The following SEMA3C variants were observed in gnomAD, a reference collection of about 807,000 sequenced individuals.
SEMA3C encodes the protein semaphorin-3C.
SEMA3C carries 47 observed loss-of-function variants against 89.4 expected under a neutral mutation model. The ratio of observed to expected loss-of-function variants is 0.53; its 90% CI spans 0.42 to 0.67. SEMA3C has a LOEUF of 0.67. SEMA3C is among the 30% of genes least tolerant of loss of function. The pLI is 0.00. For missense variants in SEMA3C, 839 were observed against 929.1 expected (o/e 0.90, Z 1.26); for synonymous variants, 310 against 320.2 (o/e 0.97, Z 0.34).
intron 2 of SEMA3C, among the ~76,000 whole-genome samples, chr7:80,869,903 T>C (rs1463351291): frequency 6.6e-6 from 1 of 152,224 alleles, no homozygotes; most frequent in Non-Finnish European, 1.5e-5. Flanking sequence ...ACTTCCTGGC[T>C]ACTTTTCCAG....
intron 2 of SEMA3C, among the ~76,000 whole-genome samples, chr7:80,858,641 A>C (rs1790698665): frequency 6.6e-6 from 1 of 152,220 alleles, no homozygotes; most frequent in South Asian, 2.1e-4. Flanking sequence ...TGCTCAAATG[A>C]GAGTGCACAA....
intron 2 of SEMA3C, among the ~76,000 whole-genome samples, chr7:80,884,412 T>G (rs2116115838): frequency 6.6e-6 from 1 of 152,352 alleles, no homozygotes; most frequent in African/African-American, 2.4e-5. Flanking sequence ...CCCTCATAAC[T>G]AACTTATCAA....
At chr7:80,842,600 A>T (rs928055566) in intron 2 of SEMA3C, among the ~76,000 whole-genome samples, 5 of 152,148 alleles carry the variant, frequency 3.3e-5, no homozygotes, top group Non-Finnish European at 7.3e-5. Flanking sequence ...CTAAGTATTA[A>T]CAGCTCATGG....
intron 11 of SEMA3C, among the ~76,000 whole-genome samples, chr7:80,791,120 G>C (rs940819172): frequency 6.6e-6 from 1 of 151,948 alleles, no homozygotes; most frequent in Non-Finnish European, 1.5e-5. Flanking sequence ...ACAAGAACGA[G>C]ATCTGGAGAA....
At chr7:80,820,770 A>ATATGTGTGTT (rs1433175676) in intron 4 of SEMA3C, among the ~76,000 whole-genome samples, 1 of 152,178 alleles carries the variant, frequency 6.6e-6, no homozygotes. Flanking sequence ...CACAGATGAG[A>ATATGTGTGTT]TATGTGTGTT....
At chr7:80,853,822 C>T (rs921800954) in intron 2 of SEMA3C, among the ~76,000 whole-genome samples, 5 of 152,052 alleles carry the variant, frequency 3.3e-5, no homozygotes, top group African/African-American at 1.2e-4. Context: ...ACAATGGATA[C>T]CCCATTTATC....
At chr7:80,881,441 A>G (rs1441313740) in intron 2 of SEMA3C, among the ~76,000 whole-genome samples, 1 of 152,170 alleles carries the variant, frequency 6.6e-6, no homozygotes, top group Admixed American at 6.5e-5. Flanking sequence ...AGTTTCTAAG[A>G]AAACAGAATT....
chr7:80,858,865 T>C (rs1260879046), intron 2 of SEMA3C, among the ~76,000 whole-genome samples: 1 of 152,270 alleles, frequency 6.6e-6, no homozygotes, highest in East Asian at 1.9e-4. Context: ...TAATTCTCCA[T>C]ATGAATAACT....
intron 2 of SEMA3C, among the ~76,000 whole-genome samples, chr7:80,876,083 G>A (rs1378187506): frequency 2.0e-5 from 3 of 152,078 alleles, no homozygotes; most frequent in African/African-American, 7.2e-5. Context: ...TCCTACTGAT[G>A]GAAATCGAGT....
chr7:80,815,104 A>G (rs1789568211), intron 5 of SEMA3C, among the ~76,000 whole-genome samples: 2 of 152,164 alleles, frequency 1.3e-5, no homozygotes, highest in South Asian at 2.1e-4. Flanking sequence ...CATGATTTTG[A>G]TTCTGCTTTT....
At chr7:80,920,250 G>A (rs1304413671), upstream of SEMA3C, among the ~76,000 whole-genome samples, 1 of 152,078 alleles carries the variant, frequency 6.6e-6, no homozygotes, top group Non-Finnish European at 1.5e-5. Context: ...TTTAAACATC[G>A]GGAGAAATGA....
At chr7:80,852,214 G>A (rs189132887) in intron 2 of SEMA3C, among the ~76,000 whole-genome samples, 51 of 152,274 alleles carry the variant, frequency 3.3e-4, no homozygotes, top group African/African-American at 1.1e-3. Context: ...TCCCTATGGA[G>A]AGTCAGGACA....
chr7:80,919,388 G>C (rs929734338), upstream of SEMA3C: 2 of 985,112 alleles, frequency 2.0e-6, no homozygotes, highest in Non-Finnish European at 2.4e-6. Flanking sequence ...GCGCTCCACG[G>C]TTTTTGTTGC....
chr7:80,898,023 T>C (rs1470256689), intron 2 of SEMA3C, among the ~76,000 whole-genome samples: 2 of 152,144 alleles, frequency 1.3e-5, no homozygotes, highest in Non-Finnish European at 2.9e-5. Context: ...GCTGTTTATA[T>C]TGATCAATTC....
At chr7:80,860,618 G>C (rs562662334) in intron 2 of SEMA3C, among the ~76,000 whole-genome samples, 32 of 152,290 alleles carry the variant, frequency 2.1e-4, no homozygotes, top group Non-Finnish European at 4.6e-4. Flanking sequence ...CAAGATCTAA[G>C]CTTAATGGGT....
At chr7:80,786,374 C>A (rs188190615) in intron 12 of SEMA3C, among the ~76,000 whole-genome samples, 34 of 150,324 alleles carry the variant, frequency 2.3e-4, no homozygotes, top group African/African-American at 7.3e-4. Flanking sequence ...AGAAAATACA[C>A]ATATTTCATG....
rs367643629 is a variant in SEMA3C, at chr7:80,903,078, T to C, written c.103+13601A>G. Among the ~76,000 whole-genome samples the C allele has an allele frequency of 2.0e-5, 3 of 152,182 alleles. No individual in the cohort carries two copies. The East Asian group carries it at 5.8e-4, about 29-fold the overall frequency. On this transcript the variant is annotated intron_variant, in intron 2 of 17. Transcript: ENST00000265361. ...TCCCTCCTAATGCAGATAAAATTCA[T>C]TCATTCTTTCACTTTCAAGTATTTG...
At chr7:80,802,981 C>A (rs1337881686) in intron 8 of SEMA3C, among the ~76,000 whole-genome samples, 3 of 152,126 alleles carry the variant, frequency 2.0e-5, no homozygotes, top group Non-Finnish European at 4.4e-5. Flanking sequence ...TCTCTTATAG[C>A]ATGATGTCAG....
At chr7:80,828,848 A>T (rs1444549466) in intron 2 of SEMA3C, 103 bp from the exon 3 acceptor site, 7 of 898,386 alleles carry the variant, frequency 7.8e-6, no homozygotes, top group African/African-American at 1.7e-5. Flanking sequence ...ATGTCAAGGT[A>T]CATTTTCTTC....
Sources: allele counts gnomAD v4.1 joint callset (sites outside exome capture counted in the v4.1 genomes callset), GRCh38; gene constraint gnomAD v4.1.1; transcripts MANE v1.5; gene names NCBI Gene and HGNC (gene_info 2026-07-23, HGNC 2026-07-21).